The following ATP8A2 variants were observed in gnomAD, a reference collection of about 807,000 sequenced individuals.
The protein encoded by ATP8A2 is ATPase phospholipid transporting 8A2.
ATP8A2 carries 100 observed loss-of-function variants against 165.6 expected under a neutral mutation model. The ratio of observed to expected loss-of-function variants is 0.60; its 90% confidence interval spans 0.51 to 0.71. ATP8A2 has a LOEUF of 0.71. ATP8A2 is among the 30% of genes least tolerant of loss of function. The pLI, the probability that ATP8A2 is intolerant of heterozygous loss-of-function variation, is 0.00. For missense variants in ATP8A2, 1,227 were observed against 1,479.5 expected (o/e 0.83, Z 2.80); for synonymous variants, 543 against 548.8 (o/e 0.99, Z 0.15).
At chr13:25,441,035 G>C (rs1463346352) in intron 1 of ATP8A2, among the ~76,000 whole-genome samples, 1 of 152,144 alleles carries the variant, frequency 6.6e-6, no homozygotes, top group Non-Finnish European at 1.5e-5. Context: ...TCTGCTTCAG[G>C]AGTCATCAAA....
intron 1 of ATP8A2, among the ~76,000 whole-genome samples, chr13:25,425,946 G>T (rs963073895): frequency 5.3e-5 from 8 of 152,196 alleles, no homozygotes; most frequent in Non-Finnish European, 1.2e-4. Context: ...TGATAGCTCA[G>T]TCTTTTTATT....
intron 33 of ATP8A2, among the ~76,000 whole-genome samples, chr13:25,868,986 A>G (rs1483410066): frequency 6.8e-6 from 1 of 147,132 alleles, no homozygotes; most frequent in African/African-American, 2.5e-5. Flanking sequence ...GGTGAATGGC[A>G]TGAACCCAGG....
intron 33 of ATP8A2, among the ~76,000 whole-genome samples, chr13:25,866,396 C>G (rs1283112803): frequency 6.6e-6 from 1 of 152,110 alleles, no homozygotes; most frequent in Admixed American, 6.5e-5. Flanking sequence ...TCTTCTTTTT[C>G]CTGGAGTGAT....
At chr13:25,472,164 T>C (rs2035862293) in intron 2 of ATP8A2, among the ~76,000 whole-genome samples, 1 of 152,158 alleles carries the variant, frequency 6.6e-6, no homozygotes, top group East Asian at 1.9e-4. Flanking sequence ...GAGGCCAAGG[T>C]GGGTGGATCA....
intron 30 of ATP8A2, among the ~76,000 whole-genome samples, chr13:25,851,898 G>C (rs1952017568): frequency 6.6e-6 from 1 of 152,030 alleles, no homozygotes; most frequent in Non-Finnish European, 1.5e-5. Flanking sequence ...TGTCACCCAG[G>C]CTGGAGTGCA....
intron 35 of ATP8A2, among the ~76,000 whole-genome samples, chr13:26,010,108 G>T (rs1012025134): frequency 3.9e-5 from 6 of 152,172 alleles, no homozygotes; most frequent in Admixed American, 3.9e-4. Flanking sequence ...AGAAGACAGA[G>T]AAAAGCATTC....
chr13:25,597,410 T>G (rs192460961), intron 24 of ATP8A2, among the ~76,000 whole-genome samples: 1 of 152,364 alleles, frequency 6.6e-6, no homozygotes, highest in East Asian at 1.9e-4. Context: ...AGAGTCCATC[T>G]TAGCAGATTG....
In ATP8A2 at chr13:25,910,007, T is replaced by C. The variant is rs1185908; in HGVS notation, c.3183+47599T>C. ...TTTCAAGCTGAATAATGCTCCGTCT[T>C]GTATTGGCCTATTTTGCCTGTCCCG... is the stretch of plus-strand genomic sequence containing the variant. On this transcript the variant is annotated intron_variant, in intron 33 of 36. Transcript: ENST00000381655. Among the ~76,000 whole-genome samples the C allele has an allele frequency of 1.8e-3, 281 of 152,350 alleles. 1 individual carries two copies. Among genetic ancestry groups the C allele is most frequent in the African/African-American group, 6.3e-3 (263 of 41,572 alleles).
intron 1 of ATP8A2, among the ~76,000 whole-genome samples, chr13:25,408,871 C>G (rs1232215687): frequency 6.6e-6 from 1 of 152,094 alleles, no homozygotes; most frequent in East Asian, 1.9e-4. Flanking sequence ...TGGAATGCTG[C>G]AAAAGGAGCA....
At chr13:26,004,930 T>G (rs1956710445) in intron 35 of ATP8A2, among the ~76,000 whole-genome samples, 1 of 55,880 alleles carries the variant, frequency 1.8e-5, no homozygotes. Context: ...TCATCAGGGA[T>G]ATTAGCCTGT....
chr13:25,423,662 T>G (rs950813372), intron 1 of ATP8A2, among the ~76,000 whole-genome samples: 1 of 152,228 alleles, frequency 6.6e-6, no homozygotes, highest in African/African-American at 2.4e-5. Context: ...CAAATGTGTT[T>G]TTAATTCTTA....
intron 24 of ATP8A2, among the ~76,000 whole-genome samples, chr13:25,643,340 T>C (rs1055432994): frequency 6.6e-6 from 1 of 151,952 alleles, no homozygotes; most frequent in Non-Finnish European, 1.5e-5. Flanking sequence ...TTTCATCCTT[T>C]CTTCTGTTGA....
intron 25 of ATP8A2, among the ~76,000 whole-genome samples, chr13:25,765,310 G>A (rs188401421): frequency 6.6e-6 from 1 of 152,216 alleles, no homozygotes; most frequent in Non-Finnish European, 1.5e-5. Flanking sequence ...CCTAGCTTGG[G>A]TCAGCTGTGG....
At chr13:25,738,333 GCCCC>G (rs775044728) in intron 25 of ATP8A2, among the ~76,000 whole-genome samples, 3,356 of 43,036 alleles carry the variant, frequency 0.078, 79 homozygotes, top group East Asian at 0.21. Flanking sequence ...TTCTTTTTGT[GCCCC>G]CCTCCCCCCC....
chr13:25,481,407 G>A (rs372600390), intron 2 of ATP8A2, among the ~76,000 whole-genome samples: 154 of 152,278 alleles, frequency 1.0e-3, no homozygotes, highest in African/African-American at 3.4e-3. Flanking sequence ...GAGACTCAAC[G>A]CCCATGCATC....
At position 25,579,791 on chromosome 13, in the gene ATP8A2, CA is replaced by C; in HGVS notation, c.1868-16del. ...ACGCGTTCTGCCTGCCTCCATTCAC[CA>C]GTGGCTGTCTTGCAGGCTTGCGGAC... On this transcript the variant is annotated splice_polypyrimidine_tract_variant and intron_variant, in intron 21 of 36. Transcript: ENST00000381655. The C allele has an allele frequency of 6.2e-7, 1 of 1,611,454 alleles. No homozygotes were observed. Among genetic ancestry groups the C allele is most frequent in the South Asian group, 1.1e-5 (1 of 90,980 alleles).
chr13:25,927,282 T>C (rs941958292), intron 33 of ATP8A2: 3 of 453,208 alleles, frequency 6.6e-6, no homozygotes, highest in Non-Finnish European at 1.3e-5. Flanking sequence ...TCACCTTTGT[T>C]GAACAAAAGT....
chr13:25,873,514 G>A (rs893739365), intron 33 of ATP8A2, among the ~76,000 whole-genome samples: 14 of 152,070 alleles, frequency 9.2e-5, no homozygotes, highest in Non-Finnish European at 2.1e-4. Flanking sequence ...CAATTTCTAA[G>A]CAAGATTATT....
Position 25,431,047 on chromosome 13 carries a change from G to A in ATP8A2, c.77-37930G>A, listed in dbSNP as rs147790451. On this transcript the variant is annotated intron_variant, in intron 1 of 36. Coordinates refer to ENST00000381655, the MANE Select transcript of ATP8A2 (RefSeq NM_016529.6). ...ACACACACACACACATAATGGGTGT[G>A]TGCATATGGTCTGTCTTCTGGTTAT... Among the ~76,000 whole-genome samples, 615 of 152,248 alleles carry A rather than the reference G, an allele frequency of 4.0e-3. 3 individuals carry two copies. The highest frequency in any genetic ancestry group is 6.6e-3 in the Non-Finnish European group (450 of 68,018).
Sources: allele counts gnomAD v4.1 joint callset (sites outside exome capture counted in the v4.1 genomes callset), GRCh38; gene constraint gnomAD v4.1.1; transcripts MANE v1.5; gene names NCBI Gene and HGNC (gene_info 2026-07-23, HGNC 2026-07-21).